The following PTPRD variants were observed in gnomAD, a reference collection of about 807,000 sequenced individuals.
PTPRD encodes the protein protein tyrosine phosphatase receptor type D, also known as receptor-type tyrosine-protein phosphatase delta.
In PTPRD, 34 loss-of-function variants were observed where a neutral mutation model predicts 214.5. The observed-to-expected ratio is 0.16, with a 90% confidence interval of 0.12 to 0.21. The LOEUF (loss-of-function observed/expected upper bound fraction) is 0.21, where lower values mean the gene tolerates loss of function less well. PTPRD is among the 10% of genes least tolerant of loss of function. The pLI, the probability that PTPRD is intolerant of heterozygous loss-of-function variation, is 1.00. For synonymous variants in PTPRD, 1,128 were observed against 845.7 expected (o/e 1.33, Z -5.79); for missense variants, 2,545 against 2,398.7 (o/e 1.06, Z -1.27).
intron 11 of PTPRD, among the ~76,000 whole-genome samples, chr9:8,870,794 AG>A (rs34912036): frequency 0.11 from 16,808 of 151,524 alleles, 2,131 homozygotes; most frequent in African/African-American, 0.31. Context: ...AGGAGGAGGA[AG>A]GGTGGAACCC....
At chr9:8,606,353 G>A (rs530702424) in intron 14 of PTPRD, among the ~76,000 whole-genome samples, 9 of 152,190 alleles carry the variant, frequency 5.9e-5, no homozygotes, top group Non-Finnish European at 1.2e-4. Context: ...CTTTCATGTG[G>A]GGAAGAAAAG....
chr9:8,716,121 C>T (rs1434261), intron 12 of PTPRD, among the ~76,000 whole-genome samples: 15,819 of 152,212 alleles, frequency 0.1, 2,480 homozygotes, highest in African/African-American at 0.34. Context: ...CCGCAATTAC[C>T]TTTGCACCAA....
At chr9:9,470,814 G>C (rs1176165583) in intron 8 of PTPRD, among the ~76,000 whole-genome samples, 2 of 152,146 alleles carry the variant, frequency 1.3e-5, no homozygotes, top group African/African-American at 4.8e-5. Context: ...AAGCTGCCAT[G>C]CTGTCTCAAA....
chr9:9,245,156 T>C (rs1325111810), intron 9 of PTPRD, among the ~76,000 whole-genome samples: 1 of 152,046 alleles, frequency 6.6e-6, no homozygotes, highest in South Asian at 2.1e-4. Context: ...GGAGAGGATG[T>C]GGAGAAATAG....
At chr9:9,728,856 T>C (rs2098136749) in intron 7 of PTPRD, among the ~76,000 whole-genome samples, 1 of 152,190 alleles carries the variant, frequency 6.6e-6, no homozygotes, top group Non-Finnish European at 1.5e-5. Flanking sequence ...TTCATGTTTT[T>C]TTAGTTTATC....
chr9:10,176,737 G>C lies in PTPRD; in HGVS notation c.-544-142947C>G, dbSNP rs144282448. Among the ~76,000 whole-genome samples the C allele has an allele frequency of 3.3e-5, 5 of 152,032 alleles. No individual in the cohort carries two copies. In the East Asian group the frequency reaches 9.7e-4, roughly 29 times the overall value. On this transcript the variant is annotated intron_variant, in intron 3 of 45. Coordinates refer to ENST00000381196, the MANE Select transcript of PTPRD (RefSeq NM_002839.4). ...GAGCCGCACAGTCATCTCTATAAAA[G>C]ACAAGCTCCAGTTGAGTAAACCATG...
intron 5 of PTPRD, among the ~76,000 whole-genome samples, chr9:9,807,305 A>G (rs2045765413): frequency 6.6e-6 from 1 of 152,254 alleles, no homozygotes; most frequent in African/African-American, 2.4e-5. Context: ...CACATTTTCT[A>G]TTCCCTGTCC....
intron 5 of PTPRD, among the ~76,000 whole-genome samples, chr9:9,837,965 G>C (rs1007467478): frequency 6.6e-6 from 1 of 151,912 alleles, no homozygotes; most frequent in South Asian, 2.1e-4. Context: ...TCCCCTTCCT[G>C]TGTCCATGTG....
At chr9:8,593,177 C>A (rs146890378) in intron 14 of PTPRD, among the ~76,000 whole-genome samples, 9 of 152,278 alleles carry the variant, frequency 5.9e-5, no homozygotes, top group African/African-American at 2.2e-4. Context: ...AAATTTTCAA[C>A]TGAAAGCATT....
rs1274152871 is a variant in PTPRD, at chr9:10,459,087, CT to C, written c.-599-118071del. Among the ~76,000 whole-genome samples the C allele has an allele frequency of 3.3e-5, 5 of 152,076 alleles. No homozygotes were observed. The East Asian group carries it at 9.7e-4, about 29-fold the overall frequency. Reference sequence around the variant, plus strand: ...TGACAGGCCCCAGTGTGTGATGTTCCTCTCTCTGTGTCCCTGTGTTCTCATC... The same window carrying C: ...TGACAGGCCCCAGTGTGTGATGTTCCCTCTCTGTGTCCCTGTGTTCTCATC... On this transcript the variant is annotated intron_variant, in intron 2 of 45. Transcript: ENST00000381196.
chr9:9,661,284 C>A (rs1262338020), intron 7 of PTPRD, among the ~76,000 whole-genome samples: 2 of 151,846 alleles, frequency 1.3e-5, no homozygotes, highest in African/African-American at 4.8e-5. Flanking sequence ...AAATACTGGC[C>A]ACTACCCCAA....
At chr9:10,278,533 GGAAA>G (rs1181464197) in intron 3 of PTPRD, among the ~76,000 whole-genome samples, 1 of 152,090 alleles carries the variant, frequency 6.6e-6, no homozygotes, top group African/African-American at 2.4e-5. Context: ...CTGCAGAACA[GGAAA>G]GAAAGAACTC....
chr9:9,954,240 C>A (rs1448650642), intron 4 of PTPRD, among the ~76,000 whole-genome samples: 1 of 135,706 alleles, frequency 7.4e-6, no homozygotes, highest in Non-Finnish European at 1.5e-5. Context: ...CTACAGTGAG[C>A]CAAGACTGTG....
chr9:8,321,949 T>C (rs2130888063), intron 44 of PTPRD, among the ~76,000 whole-genome samples: 1 of 152,290 alleles, frequency 6.6e-6, no homozygotes, highest in Non-Finnish European at 1.5e-5. Flanking sequence ...TTTGTGTCTC[T>C]GTGTAGCAGT....
chr9:8,329,938 AT>A (rs1838157623), intron 44 of PTPRD, among the ~76,000 whole-genome samples: 1 of 55,614 alleles, frequency 1.8e-5, no homozygotes, highest in African/African-American at 4.3e-4. Context: ...AGTGGATCGT[AT>A]CTTGCTGGGC....
chr9:10,567,035 T>C (rs1246065640), intron 2 of PTPRD, among the ~76,000 whole-genome samples: 2 of 152,130 alleles, frequency 1.3e-5, no homozygotes, highest in African/African-American at 2.4e-5. Context: ...GCAATCCCTA[T>C]GGTACGTGAC....
At chr9:8,941,045 C>T (rs187101260) in intron 11 of PTPRD, among the ~76,000 whole-genome samples, 148 of 152,256 alleles carry the variant, frequency 9.7e-4, no homozygotes, top group Non-Finnish European at 1.6e-3. Flanking sequence ...AATAACCCAT[C>T]AGGAACTCCT....
intron 9 of PTPRD, among the ~76,000 whole-genome samples, chr9:9,220,609 T>G (rs930052559): frequency 6.6e-6 from 1 of 152,102 alleles, no homozygotes; most frequent in Admixed American, 6.6e-5. Context: ...TGAAGTGCTT[T>G]GAATAGACAT....
chr9:10,427,547 T>A (rs1237153926), intron 2 of PTPRD, among the ~76,000 whole-genome samples: 1 of 152,006 alleles, frequency 6.6e-6, no homozygotes, highest in Admixed American at 6.6e-5. Context: ...CCACTGCATA[T>A]GGTCCACTGA....
Sources: gnomAD v4.1 joint callset for allele counts (sites outside exome capture counted in the v4.1 genomes callset) on GRCh38, gnomAD v4.1.1 for gene constraint, MANE v1.5 for transcripts, NCBI Gene and HGNC (gene_info 2026-07-23, HGNC 2026-07-21) for gene names.